Variants in ELK3 observed in about 807,000 individuals in gnomAD.
The protein encoded by ELK3 is ETS domain-containing protein Elk-3.
Under a neutral mutation model 28.9 loss-of-function variants are expected in ELK3, and 10 were observed. That is an observed-to-expected ratio of 0.35 (90% confidence interval 0.21 to 0.59). The LOEUF is 0.59. Ranked by LOEUF, ELK3 falls within the 20% of genes least tolerant of loss-of-function variation. ELK3 has a pLI of 0.82. For missense variants in ELK3, 463 were observed against 517.3 expected (o/e 0.90, Z 1.02); for synonymous variants, 272 against 243.5 (o/e 1.12, Z -1.09).
intron 1 of ELK3, among the ~76,000 whole-genome samples, chr12:96,203,605 G>C (rs1170542531): frequency 1.3e-5 from 2 of 152,130 alleles, no homozygotes; most frequent in African/African-American, 4.8e-5. Flanking sequence ...CTCTTTTCTA[G>C]ACAATGAGTT....
At chr12:96,222,197 A>C (rs544235288) in intron 1 of ELK3, among the ~76,000 whole-genome samples, 1 of 152,274 alleles carries the variant, frequency 6.6e-6, no homozygotes, top group Non-Finnish European at 1.5e-5. Context: ...ATCAATACCT[A>C]TTGTCATGAA....
chr12:96,213,573 A>T (rs1033712224), intron 1 of ELK3, among the ~76,000 whole-genome samples: 1 of 152,214 alleles, frequency 6.6e-6, no homozygotes, highest in African/African-American at 2.4e-5. Flanking sequence ...CTACTCACCC[A>T]TATAAAAGTC....
chr12:96,264,555 G>A (rs1475535977), intron 4 of ELK3, among the ~76,000 whole-genome samples: 1 of 152,136 alleles, frequency 6.6e-6, no homozygotes, highest in African/African-American at 2.4e-5. Context: ...GGGTGACATG[G>A]GTGGATCACT....
In ELK3 at chr12:96,236,222, G is replaced by A. The variant is rs145916604; in HGVS notation, c.208-10718G>A. ...GAGCCAGGAGGGAGACAGGACTCCA[G>A]GTCCAGCCAGCAGCAGCGCCCAGCC... is the stretch of plus-strand genomic sequence containing the variant. On this transcript the variant is annotated intron_variant, in intron 2 of 4. Transcript: ENST00000228741. Among the ~76,000 whole-genome samples the A allele has an allele frequency of 8.3e-3, 1,271 of 152,300 alleles. 12 individuals carry two copies. Among genetic ancestry groups the A allele is most frequent in the Middle Eastern group, 0.017 (5 of 294 alleles).
chr12:96,210,595 A>ACCC (rs112788515), intron 1 of ELK3, among the ~76,000 whole-genome samples: 1 of 150,208 alleles, frequency 6.7e-6, no homozygotes, highest in Admixed American at 6.7e-5. Flanking sequence ...ACACACACAC[A>ACCC]CACCCCGAGT....
chr12:96,249,631 G>A (rs770342960), intron 3 of ELK3, among the ~76,000 whole-genome samples: 7 of 152,170 alleles, frequency 4.6e-5, no homozygotes, highest in Non-Finnish European at 7.4e-5. Context: ...AGAAAGGTCC[G>A]AAGCCAGGCC....
intron 2 of ELK3, among the ~76,000 whole-genome samples, chr12:96,242,968 A>C (rs1266742330): frequency 3.3e-5 from 5 of 152,088 alleles, no homozygotes; most frequent in Non-Finnish European, 7.4e-5. Context: ...CTTTCCCCAG[A>C]AAACTCTTGG....
intron 1 of ELK3, among the ~76,000 whole-genome samples, chr12:96,199,719 G>A (rs1373651214): frequency 6.6e-6 from 1 of 152,122 alleles, no homozygotes; most frequent in African/African-American, 2.4e-5. Flanking sequence ...TTGTGATTTG[G>A]TTTGAATTCC....
chr12:96,204,075 C>T (rs547025081), intron 1 of ELK3, among the ~76,000 whole-genome samples: 12 of 152,002 alleles, frequency 7.9e-5, no homozygotes, highest in African/African-American at 2.7e-4. Context: ...GGGTTTGGCT[C>T]TATTGTTGGT....
At position 96,267,206 on chromosome 12, in the gene ELK3, C is replaced by T. The variant is rs151047138; in HGVS notation, c.*26C>T. On this transcript the variant is annotated 3_prime_UTR_variant, in exon 5 of 5. Coordinates refer to ENST00000228741, the MANE Select transcript of ELK3 (RefSeq NM_005230.4). ...TGACGTCTGGCCACAATTAAGGACT[C>T]ATTAACTGATGAAACAAATTTGTCC... 459 of 1,594,744 alleles carry T rather than the reference C, an allele frequency of 2.9e-4. 1 individual carries two copies. In the East Asian group the frequency reaches 8.8e-3, roughly 31 times the overall value.
intron 4 of ELK3, among the ~76,000 whole-genome samples, chr12:96,262,659 A>G (rs748022944): frequency 3.9e-5 from 6 of 152,214 alleles, no homozygotes; most frequent in African/African-American, 9.6e-5. Context: ...GAAAAGAGCA[A>G]CTGAGTATGG....
At chr12:96,206,329 T>G (rs905228093) in intron 1 of ELK3, among the ~76,000 whole-genome samples, 1 of 152,248 alleles carries the variant, frequency 6.6e-6, no homozygotes, top group Middle Eastern at 3.4e-3. Context: ...ATTTATTTTT[T>G]TTTTTGAGAC....
In ELK3 at chr12:96,267,087, C is replaced by G; in HGVS notation, c.1131C>G (p.Pro377=). Residue 377 remains proline, a synonymous_variant, in exon 5 of 5, where the codon CCC becomes CCG. Transcript: ENST00000228741. ...LQGPSTLFQF[P]TLLNGHMPVP... ...AAATCTTTTGTCCCCTACAGTTCCC[C>G]ACACTGCTTAATGGCCACATGCCAG... The G allele has an allele frequency of 6.2e-7, 1 of 1,612,536 alleles. No individual in the cohort carries two copies. The highest frequency in any genetic ancestry group is 8.5e-7 in the Non-Finnish European group (1 of 1,179,454).
intron 2 of ELK3, among the ~76,000 whole-genome samples, chr12:96,233,860 G>A (rs13328930): frequency 1.9e-3 from 291 of 152,342 alleles, no homozygotes; most frequent in African/African-American, 6.6e-3. Context: ...CTCTGTGCCC[G>A]GCCCTGGGTG....
intron 1 of ELK3, among the ~76,000 whole-genome samples, chr12:96,207,211 C>G (rs567853663): frequency 1.3e-5 from 2 of 152,202 alleles, no homozygotes; most frequent in Non-Finnish European, 2.9e-5. Flanking sequence ...TTTTTACTTC[C>G]TGTTAAAATT....
chr12:96,202,121 C>G (rs143417782), intron 1 of ELK3, among the ~76,000 whole-genome samples: 75 of 152,304 alleles, frequency 4.9e-4, no homozygotes, highest in African/African-American at 1.8e-3. Flanking sequence ...TCTGCACCCG[C>G]TCTGATCCCT....
At chr12:96,205,707 G>A (rs987825345) in intron 1 of ELK3, among the ~76,000 whole-genome samples, 1 of 152,164 alleles carries the variant, frequency 6.6e-6, no homozygotes, top group Non-Finnish European at 1.5e-5. Flanking sequence ...AGTGACACCC[G>A]AGTGAGGGTT....
At chr12:96,221,884 A>G (rs374964481) in intron 1 of ELK3, among the ~76,000 whole-genome samples, 1 of 152,116 alleles carries the variant, frequency 6.6e-6, no homozygotes, top group African/African-American at 2.4e-5. Context: ...ACTTTCCTTT[A>G]ATTGAGAGGA....
At chr12:96,195,340 G>T (rs1023866892) in intron 1 of ELK3, among the ~76,000 whole-genome samples, 5 of 152,158 alleles carry the variant, frequency 3.3e-5, no homozygotes, top group African/African-American at 1.2e-4. Flanking sequence ...CGCCCCAGGC[G>T]CACGCCCCAT....
Sources: gnomAD v4.1 joint callset for allele counts (sites outside exome capture counted in the v4.1 genomes callset) on GRCh38, gnomAD v4.1.1 for gene constraint, MANE v1.5 for transcripts, NCBI Gene and HGNC (gene_info 2026-07-23, HGNC 2026-07-21) for gene names.